The following AFAP1 variants were observed in gnomAD, a reference collection of about 807,000 sequenced individuals.
AFAP1 encodes actin filament-associated protein 1.
A neutral mutation model predicts 93.9 loss-of-function variants in AFAP1; 75 were observed. That is an observed-to-expected ratio of 0.80 (90% confidence interval 0.66 to 0.97). The LOEUF is 0.97. AFAP1 is among the 50% of genes least tolerant of loss of function. The probability of loss-of-function intolerance (pLI) is 0.00; values close to 1 mark genes in which losing one functional copy is unlikely to be tolerated. For synonymous variants in AFAP1, 517 were observed against 430.7 expected (o/e 1.20, Z -2.48); for missense variants, 1,201 against 1,050.8 (o/e 1.14, Z -1.98).
chr4:7,813,277 TAAGA>T (rs1373546244), intron 8 of AFAP1, among the ~76,000 whole-genome samples: 1 of 152,178 alleles, frequency 6.6e-6, no homozygotes, highest in African/African-American at 2.4e-5. Flanking sequence ...GGATAAAAGC[TAAGA>T]GAGAAGGTTA....
intron 1 of AFAP1, among the ~76,000 whole-genome samples, chr4:7,923,302 G>A (rs1221229478): frequency 6.6e-6 from 1 of 152,150 alleles, no homozygotes; most frequent in African/African-American, 2.4e-5. Flanking sequence ...AATACCATAG[G>A]CAAATACCAT....
chr4:7,843,080 G>T (rs962229436), intron 5 of AFAP1, 59 bp downstream of exon 5: 1 of 1,559,548 alleles, frequency 6.4e-7, no homozygotes, highest in South Asian at 1.1e-5. Flanking sequence ...GGATATAAAC[G>T]CCATGGCTTC....
intron 1 of AFAP1, among the ~76,000 whole-genome samples, chr4:7,895,801 A>G (rs1718727128): frequency 1.3e-5 from 2 of 150,948 alleles, no homozygotes; most frequent in African/African-American, 4.9e-5. Flanking sequence ...AAGCAAAAAG[A>G]CCACATTCAC....
chr4:7,884,291 G>A (rs992926480), intron 1 of AFAP1, among the ~76,000 whole-genome samples: 2 of 152,102 alleles, frequency 1.3e-5, no homozygotes. Context: ...AATTACCCAA[G>A]TTCAGGTATT....
At chr4:7,838,824 A>G in intron 5 of AFAP1, 121 bp from the exon 6 acceptor site, 1 of 1,005,366 alleles carries the variant, frequency 9.9e-7, no homozygotes, top group Non-Finnish European at 1.5e-6. Context: ...GAATCTGCAG[A>G]TGAGCAGGTT....
At chr4:7,919,303 G>A (rs1720305255) in intron 1 of AFAP1, among the ~76,000 whole-genome samples, 1 of 152,222 alleles carries the variant, frequency 6.6e-6, no homozygotes, top group Non-Finnish European at 1.5e-5. Context: ...CACAATCCTA[G>A]CAGCACGCAT....
At chr4:7,793,393 G>T (rs1052532411) in intron 11 of AFAP1, among the ~76,000 whole-genome samples, 1 of 152,224 alleles carries the variant, frequency 6.6e-6, no homozygotes, top group Non-Finnish European at 1.5e-5. Flanking sequence ...GTGTCCAGCT[G>T]CAGCGGGAGC....
chr4:7,868,650 G>A lies in AFAP1; in HGVS notation c.197C>T (p.Pro66Leu). 1.2e-6 allele frequency: 2 copies of A among 1,612,916 alleles called. No homozygotes were observed. Among genetic ancestry groups the A allele is most frequent in the Non-Finnish European group, 8.5e-7 (1 of 1,179,878 alleles). The stretch of plus-strand genomic sequence containing the variant: ...CCAGGGCTGAGGGATCTCCGGCAGG[G>A]GCATCTGAGGAGGGGCTGGCAGGCT... Reference protein sequence around the residue: ...ANSLPAPPQMPLPEIPQPWLP... With the variant: ...ANSLPAPPQMLLPEIPQPWLP... The change falls in exon 3 of 18, where the codon CCC becomes CTC. Residue 66 changes from proline (P) to leucine (L), a missense_variant. Physicochemically the swap from Pro to Leu is moderately conservative, Grantham distance 98. Coordinates refer to ENST00000420658, the MANE Select transcript of AFAP1 (RefSeq NM_001134647.2).
rs58075483 is a variant in AFAP1 at position 7,827,569 on chromosome 4, C to CAAAAAAAAAAAAAAAAAAAA, written c.727-8418_727-8399dup. Among the ~76,000 whole-genome samples, 239 of 52,228 alleles carry CAAAAAAAAAAAAAAAAAAAA rather than the reference C, an allele frequency of 4.6e-3. 32 individuals carry two copies. Among genetic ancestry groups the CAAAAAAAAAAAAAAAAAAAA allele is most frequent in the Admixed American group, 9.3e-3 (32 of 3,424 alleles). The allele number at this position is 52,228 out of a possible 152,430, so 34.3% of individuals were successfully genotyped here. A position where few individuals can be genotyped will look rare whatever the true frequency, so the allele number is the denominator to read the frequency against. The stretch of plus-strand genomic sequence containing the variant: ...ATGAACAAGAGTGAAACTCTGTCTC[C>CAAAAAAAAAAAAAAAAAAAA]AAAAAAAAAAAAAAAAAAAAAGGGA... On this transcript the variant is annotated intron_variant, in intron 6 of 17. Transcript: ENST00000420658.
intron 14 of AFAP1, 195 bp from the exon 15 acceptor site, chr4:7,775,098 G>A: frequency 1.6e-6 from 1 of 614,936 alleles, no homozygotes; most frequent in Non-Finnish European, 2.7e-6. Flanking sequence ...CTGTGATCCT[G>A]CCACTGTGCT....
rs746448861 is a variant in AFAP1 at position 7,772,937 on chromosome 4, C to T, written c.2136G>A (p.Glu712=). 2 of 1,613,940 alleles carry T rather than the reference C, an allele frequency of 1.2e-6. No homozygotes were observed. Among genetic ancestry groups the T allele is most frequent in the South Asian group, 1.1e-5 (1 of 91,090 alleles). Residue 712 remains glutamate (E), a synonymous_variant, in exon 16 of 18, where the codon GAG becomes GAA. Transcript: ENST00000420658. The part of the protein sequence containing the change: ...LEEECRQKEA[E]RVSLELELTE... ...TCAGCTCCAGCTCCAGGCTGACACG[C>T]TCCGCCTCCTTCTGCCGGCACTCCT...
intron 9 of AFAP1, among the ~76,000 whole-genome samples, chr4:7,808,463 A>G (rs1017565128): frequency 6.6e-6 from 1 of 152,128 alleles, no homozygotes; most frequent in African/African-American, 2.4e-5. Flanking sequence ...ACTGGAAGCC[A>G]TGGGGGGCCA....
chr4:7,790,066 T>C (rs181038621), intron 11 of AFAP1, among the ~76,000 whole-genome samples: 101 of 152,350 alleles, frequency 6.6e-4, no homozygotes, highest in Non-Finnish European at 9.8e-4. Flanking sequence ...TCATGTACAA[T>C]GCACAAAGAA....
intron 1 of AFAP1, among the ~76,000 whole-genome samples, chr4:7,874,052 A>ATTTATATT (rs1427722960): frequency 6.6e-6 from 1 of 152,246 alleles, no homozygotes; most frequent in East Asian, 1.9e-4. Flanking sequence ...ACATGAACAA[A>ATTTATATT]TGTGATTTAT....
intron 4 of AFAP1, among the ~76,000 whole-genome samples, chr4:7,847,804 A>C (rs1713911958): frequency 1.5e-5 from 2 of 129,624 alleles, no homozygotes; most frequent in African/African-American, 6.4e-5. Flanking sequence ...GGGGTGGGGC[A>C]TTGATTAGAT....
chr4:7,901,927 T>C (rs1176247406), intron 1 of AFAP1, among the ~76,000 whole-genome samples: 1 of 152,236 alleles, frequency 6.6e-6, no homozygotes, highest in African/African-American at 2.4e-5. Flanking sequence ...CCAGAGATTT[T>C]ATAGTGGAAT....
intron 3 of AFAP1, among the ~76,000 whole-genome samples, chr4:7,865,324 A>G (rs1014945812): frequency 1.3e-5 from 2 of 152,230 alleles, no homozygotes; most frequent in African/African-American, 4.8e-5. Flanking sequence ...CTGTCACTCA[A>G]AAAGGATTCA....
chr4:7,909,057 G>C (rs1719582581), intron 1 of AFAP1, among the ~76,000 whole-genome samples: 1 of 152,180 alleles, frequency 6.6e-6, no homozygotes, highest in Non-Finnish European at 1.5e-5. Flanking sequence ...TAAAACTAAA[G>C]TAGTCTTTGG....
intron 1 of AFAP1, among the ~76,000 whole-genome samples, chr4:7,931,892 A>C (rs1721089458): frequency 6.6e-6 from 1 of 151,612 alleles, no homozygotes; most frequent in African/African-American, 2.4e-5. Context: ...ACGGAGTCTC[A>C]CTTTGTCGCC....
Sources: allele counts gnomAD v4.1 joint callset (sites outside exome capture counted in the v4.1 genomes callset), GRCh38; gene constraint gnomAD v4.1.1; transcripts MANE v1.5; gene names NCBI Gene and HGNC (gene_info 2026-07-23, HGNC 2026-07-21).